The following ZBTB20 variants were observed in gnomAD, a reference collection of about 807,000 sequenced individuals.
ZBTB20 encodes the protein zinc finger and BTB domain-containing protein 20.
A neutral mutation model predicts 56.9 loss-of-function variants in ZBTB20; 9 were observed. The observed-to-expected ratio is 0.16, with a 90% CI of 0.10 to 0.28. The LOEUF is 0.28. Among genes scored for constraint, ZBTB20 ranks in the 10% least tolerant of loss-of-function variants. The probability of loss-of-function intolerance (pLI) is 1.00; values close to 1 mark genes in which losing one functional copy is unlikely to be tolerated. For missense variants in ZBTB20, 655 were observed against 1,003.0 expected (o/e 0.65, Z 4.69); for synonymous variants, 417 against 420.7 (o/e 0.99, Z 0.11).
At chr3:114,835,685 A>C (rs1413806210) in intron 4 of ZBTB20, among the ~76,000 whole-genome samples, 1 of 152,154 alleles carries the variant, frequency 6.6e-6, no homozygotes, top group East Asian at 1.9e-4. Flanking sequence ...ATCAGTTCTA[A>C]ATTTTCTAGT....
chr3:114,580,338 G>C (rs2054524236), intron 6 of ZBTB20, among the ~76,000 whole-genome samples: 1 of 151,546 alleles, frequency 6.6e-6, no homozygotes, highest in Non-Finnish European at 1.5e-5. Context: ...ACTATAAATA[G>C]TTTAGGAACA....
At chr3:114,692,277 C>T (rs1486138102) in intron 6 of ZBTB20, among the ~76,000 whole-genome samples, 2 of 151,968 alleles carry the variant, frequency 1.3e-5, no homozygotes, top group African/African-American at 2.4e-5. Context: ...GCAAGTAAAG[C>T]GTGGGAGTGG....
At chr3:114,541,769 A>C (rs984048751) in intron 6 of ZBTB20, among the ~76,000 whole-genome samples, 4 of 152,144 alleles carry the variant, frequency 2.6e-5, no homozygotes, top group Admixed American at 6.5e-5. Context: ...AGAACAAGCA[A>C]AGGTGAATAG....
At chr3:114,457,618 T>C (rs1374727435) in intron 7 of ZBTB20, among the ~76,000 whole-genome samples, 1 of 152,180 alleles carries the variant, frequency 6.6e-6, no homozygotes, top group Non-Finnish European at 1.5e-5. Context: ...CTCATAATAA[T>C]AATGATGGCC....
chr3:114,841,516 T>C (rs1236474946), intron 4 of ZBTB20, among the ~76,000 whole-genome samples: 1 of 152,158 alleles, frequency 6.6e-6, no homozygotes, highest in Non-Finnish European at 1.5e-5. Context: ...TGAGATAAGA[T>C]GGTACCCTGG....
intron 1 of ZBTB20, among the ~76,000 whole-genome samples, chr3:115,144,562 A>C (rs1439062094): frequency 6.6e-6 from 1 of 152,168 alleles, no homozygotes; most frequent in East Asian, 1.9e-4. Flanking sequence ...TGGTAGTTCT[A>C]AACACCCCCT....
At chr3:114,642,726 C>T (rs1044690602) in intron 6 of ZBTB20, among the ~76,000 whole-genome samples, 2 of 152,168 alleles carry the variant, frequency 1.3e-5, no homozygotes, top group South Asian at 4.1e-4. Flanking sequence ...AGCTCTACAA[C>T]TCGGTGACCT....
chr3:115,102,474 T>A (rs1473946742), intron 1 of ZBTB20: 1 of 152,068 alleles, frequency 6.6e-6, no homozygotes, highest in East Asian at 1.9e-4. Flanking sequence ...ACAGATGGAT[T>A]TGAATTAGAT....
intron 4 of ZBTB20, among the ~76,000 whole-genome samples, chr3:114,897,174 A>T (rs2074917581): frequency 6.6e-6 from 1 of 152,180 alleles, no homozygotes; most frequent in South Asian, 2.1e-4. Context: ...AAACAAGGGA[A>T]CAGAAACATT....
intron 1 of ZBTB20, among the ~76,000 whole-genome samples, chr3:115,136,132 T>C (rs2084646810): frequency 6.6e-6 from 1 of 152,136 alleles, no homozygotes; most frequent in African/African-American, 2.4e-5. Context: ...ACCTGACACA[T>C]TTCTTTTCTG....
At chr3:114,932,131 C>A (rs529531491) in intron 3 of ZBTB20, among the ~76,000 whole-genome samples, 1 of 152,284 alleles carries the variant, frequency 6.6e-6, no homozygotes, top group South Asian at 2.1e-4. Context: ...TGTTTCTGGG[C>A]AACTTGACTT....
chr3:114,378,151 C>T lies in ZBTB20; in HGVS notation c.199+2066G>A, dbSNP rs1213101794. Among the ~76,000 whole-genome samples the T allele has an allele frequency of 3.3e-5, 5 of 152,060 alleles. No individual in the cohort carries two copies. In the East Asian group the frequency reaches 5.8e-4, roughly 18 times the overall value. ...GAAGAGCATCCAAAAATTTTAACAG[C>T]TTAAAATAAACCTTTTTCCTGTCTT... is the stretch of plus-strand genomic sequence containing the variant. On this transcript the variant is annotated intron_variant, in intron 10 of 11. Transcript: ENST00000675478.
chr3:114,572,209 C>A (rs2053517282), intron 6 of ZBTB20, among the ~76,000 whole-genome samples: 1 of 152,130 alleles, frequency 6.6e-6, no homozygotes, highest in Non-Finnish European at 1.5e-5. Flanking sequence ...TTTAACTCAG[C>A]CCTGCAGAAA....
chr3:114,942,035 T>C lies in ZBTB20; in HGVS notation c.-456+32331A>G, dbSNP rs780308511. On this transcript the variant is annotated intron_variant, in intron 3 of 11. Coordinates refer to ENST00000675478, the MANE Select transcript of ZBTB20 (RefSeq NM_001348800.3). ...ATTCACTACTATCACAAGATATACATAAATCAGAGTTTTTAAATAATACTG... is the reference window on the plus strand; with the variant it reads ...ATTCACTACTATCACAAGATATACACAAATCAGAGTTTTTAAATAATACTG... 2.3e-4 allele frequency among the ~76,000 whole-genome samples: 34 copies of C among 146,200 alleles called. 1 individual carries two copies. The highest frequency in any genetic ancestry group is 4.4e-4 in the Non-Finnish European group (30 of 67,782).
chr3:114,724,094 C>G (rs1024024621), intron 5 of ZBTB20, among the ~76,000 whole-genome samples: 1 of 151,738 alleles, frequency 6.6e-6, no homozygotes, highest in Non-Finnish European at 1.5e-5. Context: ...AGGATGGTCT[C>G]GATCTCCTGA....
intron 1 of ZBTB20, among the ~76,000 whole-genome samples, chr3:115,096,228 C>T (rs1160163661): frequency 6.6e-6 from 1 of 152,050 alleles, no homozygotes; most frequent in Non-Finnish European, 1.5e-5. Context: ...GTTTATTGTC[C>T]TTGATGGAGG....
intron 6 of ZBTB20, among the ~76,000 whole-genome samples, chr3:114,516,165 CAAT>C (rs890433581): frequency 6.6e-6 from 1 of 152,150 alleles, no homozygotes; most frequent in African/African-American, 2.4e-5. Flanking sequence ...ATTTACCATT[CAAT>C]AAGTTTTGCC....
chr3:114,766,895 T>C (rs1285934693), intron 5 of ZBTB20, among the ~76,000 whole-genome samples: 2 of 151,958 alleles, frequency 1.3e-5, no homozygotes, highest in Non-Finnish European at 2.9e-5. Flanking sequence ...AAACTCATTC[T>C]CTCTAAAGAA....
intron 3 of ZBTB20, among the ~76,000 whole-genome samples, chr3:114,920,607 A>G (rs1283147577): frequency 6.6e-6 from 1 of 152,178 alleles, no homozygotes; most frequent in Non-Finnish European, 1.5e-5. Flanking sequence ...AAATGGGCAC[A>G]CAACAAGAGG....
Sources: gnomAD v4.1 joint callset for allele counts (sites outside exome capture counted in the v4.1 genomes callset) on GRCh38, gnomAD v4.1.1 for gene constraint, MANE v1.5 for transcripts, NCBI Gene and HGNC (gene_info 2026-07-23, HGNC 2026-07-21) for gene names.